The following TRMT9B variants were observed in gnomAD, a reference collection of about 807,000 sequenced individuals.
The protein encoded by TRMT9B is probable tRNA methyltransferase 9B.
In TRMT9B, 16 loss-of-function variants were observed where a neutral mutation model predicts 11.5. The observed-to-expected ratio is 1.39, with a 90% CI of 0.94 to 2.11. The LOEUF is 2.11. Ranked by LOEUF, TRMT9B falls within the 30% of genes most tolerant of loss-of-function variation. TRMT9B has a pLI of 0.00. For synonymous variants in TRMT9B, 274 were observed against 192.4 expected (o/e 1.42, Z -3.51); for missense variants, 941 against 553.8 (o/e 1.70, Z -7.02).
intron 1 of TRMT9B, chr8:12,952,546 A>G (rs940114327): frequency 1.4e-5 from 3 of 219,710 alleles, no homozygotes; most frequent in African/African-American, 7.0e-5. Flanking sequence ...CTTAAGGGTT[A>G]AAGTGGATTC....
chr8:13,018,394 C>T (rs1813188410), intron 4 of TRMT9B, among the ~76,000 whole-genome samples: 1 of 45,020 alleles, frequency 2.2e-5, no homozygotes, highest in African/African-American at 6.7e-5. Context: ...AAGACCCTGT[C>T]TCAAAAAAAA....
intron 4 of TRMT9B, among the ~76,000 whole-genome samples, chr8:13,020,272 C>T (rs1519151): frequency 0.67 from 101,672 of 151,488 alleles, 35,064 homozygotes; most frequent in East Asian, 0.75. Context: ...GACACAATAC[C>T]GTGATTATAC....
chr8:13,020,102 C>G (rs79709291), intron 4 of TRMT9B, among the ~76,000 whole-genome samples: 2,282 of 152,270 alleles, frequency 0.015, 26 homozygotes, highest in Non-Finnish European at 0.024. Flanking sequence ...TCACCACTAA[C>G]AGTTGGATTA....
At chr8:13,008,186 G>A (rs1168711374) in intron 3 of TRMT9B, among the ~76,000 whole-genome samples, 1 of 152,126 alleles carries the variant, frequency 6.6e-6, no homozygotes, top group Non-Finnish European at 1.5e-5. Context: ...TAAACATTGG[G>A]CTCACGGCCA....
intron 1 of TRMT9B, among the ~76,000 whole-genome samples, chr8:12,981,671 C>G (rs1170312272): frequency 6.6e-6 from 1 of 151,836 alleles, no homozygotes; most frequent in South Asian, 2.1e-4. Context: ...GTGATCATAC[C>G]TCACTGCAGC....
intron 4 of TRMT9B, 30 bp downstream of exon 4, chr8:13,012,887 T>TA (rs759252591): frequency 5.5e-5 from 89 of 1,608,112 alleles, no homozygotes; most frequent in Non-Finnish European, 3.9e-5. Flanking sequence ...CATTCACCCT[T>TA]TGCCATGAGA....
At chr8:12,984,260 T>G (rs1337874156) in intron 1 of TRMT9B, among the ~76,000 whole-genome samples, 1 of 152,224 alleles carries the variant, frequency 6.6e-6, no homozygotes, top group African/African-American at 2.4e-5. Context: ...GCAAATCTTC[T>G]AAAATCCAAA....
chr8:13,012,469 GGAGGCTAAGGCAA>G (rs1811807302), intron 3 of TRMT9B: 1 of 555,154 alleles, frequency 1.8e-6, no homozygotes. Flanking sequence ...CACCTACTCG[GGAGGCTAAGGCAA>G]GAGAATTGCT....
At chr8:13,001,002 G>T (rs1809330481) in intron 2 of TRMT9B, among the ~76,000 whole-genome samples, 2 of 152,046 alleles carry the variant, frequency 1.3e-5, no homozygotes, top group Admixed American at 6.6e-5. Flanking sequence ...CCTACATAGG[G>T]ACTAGAACTA....
rs567270404 is a variant in TRMT9B, at chr8:13,020,966, T to C, written c.329-42T>C. On this transcript the variant is annotated intron_variant, in intron 4 of 4. Transcript: ENST00000524591. ...ACCAGTGTATACGTGTGTGGGTTTA[T>C]GTGTGTGCATACACACTGAGATCTA... The C allele has an allele frequency of 1.5e-4, 195 of 1,329,348 alleles. 1 individual carries two copies. The East Asian group carries it at 3.8e-3, about 26-fold the overall frequency. 82.3% of individuals were successfully genotyped at this position (1,329,348 alleles called of 1,614,324 possible).
chr8:13,007,466 C>G (rs933397652), intron 3 of TRMT9B: 1 of 152,068 alleles, frequency 6.6e-6, no homozygotes, highest in African/African-American at 2.4e-5. Flanking sequence ...AGTCGTAAGT[C>G]TGTAGTTGCA....
intron 4 of TRMT9B, among the ~76,000 whole-genome samples, chr8:13,015,768 CT>C (rs1308876170): frequency 1.3e-5 from 2 of 152,154 alleles, no homozygotes; most frequent in Non-Finnish European, 2.9e-5. Flanking sequence ...CCATGCTTAT[CT>C]GGCTAAGTCC....
intron 1 of TRMT9B, among the ~76,000 whole-genome samples, chr8:12,987,268 G>A (rs534168801): frequency 6.6e-6 from 1 of 152,260 alleles, no homozygotes; most frequent in Admixed American, 6.5e-5. Context: ...TAGTTATTGG[G>A]AAGAGTCAAT....
chr8:12,955,788 G>T (rs1339561104), intron 1 of TRMT9B, among the ~76,000 whole-genome samples: 2 of 152,182 alleles, frequency 1.3e-5, no homozygotes, highest in Admixed American at 1.3e-4. Context: ...TGGAATGAAG[G>T]TTGCAACTGA....
chr8:12,997,197 G>C (rs1467099972), intron 2 of TRMT9B, among the ~76,000 whole-genome samples: 3 of 151,934 alleles, frequency 2.0e-5, no homozygotes. Context: ...GGGACTATTG[G>C]GATGTGTTCG....
chr8:12,995,966 A>C (rs77368289), intron 2 of TRMT9B, among the ~76,000 whole-genome samples: 94 of 152,294 alleles, frequency 6.2e-4, no homozygotes, highest in African/African-American at 2.0e-3. Flanking sequence ...TACATTTTTC[A>C]TAAGGTACTG....
intron 1 of TRMT9B, among the ~76,000 whole-genome samples, chr8:12,986,366 C>T (rs1806306751): frequency 6.6e-6 from 1 of 152,114 alleles, no homozygotes; most frequent in South Asian, 2.1e-4. Context: ...ATTCATTGAA[C>T]ATTGTAAAAA....
chr8:12,964,598 G>A (rs1423990834), intron 1 of TRMT9B, among the ~76,000 whole-genome samples: 4 of 152,046 alleles, frequency 2.6e-5, no homozygotes, highest in African/African-American at 4.8e-5. Flanking sequence ...TTTTTGAGAC[G>A]GGGTCTCTCT....
At chr8:12,947,113 T>G (rs1800306146) in intron 1 of TRMT9B, among the ~76,000 whole-genome samples, 1 of 152,224 alleles carries the variant, frequency 6.6e-6, no homozygotes, top group South Asian at 2.1e-4. Flanking sequence ...TGTGAGCTCT[T>G]TGATTCTCAG....
Sources: gnomAD v4.1 joint callset for allele counts (sites outside exome capture counted in the v4.1 genomes callset) on GRCh38, gnomAD v4.1.1 for gene constraint, MANE v1.5 for transcripts, NCBI Gene and HGNC (gene_info 2026-07-23, HGNC 2026-07-21) for gene names.